The following PGM2L1 variants were observed in gnomAD, a reference collection of about 807,000 sequenced individuals.
PGM2L1 encodes phosphoglucomutase 2 like 1.
A neutral mutation model predicts 73.4 loss-of-function variants in PGM2L1; 35 were observed. The observed-to-expected ratio is 0.48, with a 90% CI of 0.36 to 0.63. The LOEUF (loss-of-function observed/expected upper bound fraction) is 0.63. Ranked by LOEUF, PGM2L1 falls within the 30% of genes least tolerant of loss-of-function variation. The probability of loss-of-function intolerance (pLI) is 0.00; values close to 1 mark genes in which losing one functional copy is unlikely to be tolerated. For missense variants in PGM2L1, 570 were observed against 742.0 expected (o/e 0.77, Z 2.69); for synonymous variants, 225 against 253.8 (o/e 0.89, Z 1.08).
In PGM2L1 at chr11:74,371,003, T is replaced by C. The variant is rs1862743400; in HGVS notation, c.387-17A>G. 3 of 1,603,652 alleles carry C rather than the reference T, an allele frequency of 1.9e-6. No individual in the cohort carries two copies. The South Asian group carries it at 3.3e-5, about 18-fold the overall frequency. ...TTAGCAAGCCTAAAAAAAGAGAGAT[T>C]TAACTTAGTCCTTTGCCTACCATAC... On this transcript the variant is annotated splice_polypyrimidine_tract_variant and intron_variant, in intron 3 of 13. Transcript: ENST00000298198.
intron 10 of PGM2L1, 64 bp from the exon 11 acceptor site, chr11:74,343,078 C>A: frequency 6.6e-7 from 1 of 1,509,158 alleles, no homozygotes; most frequent in East Asian, 2.3e-5. Context: ...AATAGTTTTA[C>A]ATTTCTTCAG....
At position 74,378,883 on chromosome 11, in the gene PGM2L1, A is replaced by G. The variant is rs1327660000; in HGVS notation, c.112-4301T>C. On this transcript the variant is annotated intron_variant, in intron 1 of 13. Coordinates refer to ENST00000298198, the MANE Select transcript of PGM2L1 (RefSeq NM_173582.6). ...CTGCCTGCTGACCAATGAAAGTATT[A>G]ACATTCACTTATGAAGGATCATTTT... 2.0e-5 allele frequency among the ~76,000 whole-genome samples: 3 copies of G among 152,350 alleles called. No homozygotes were observed. In the East Asian group the frequency reaches 5.8e-4, roughly 29 times the overall value.
chr11:74,357,553 C>T (rs1370398707), intron 5 of PGM2L1, among the ~76,000 whole-genome samples: 1 of 152,224 alleles, frequency 6.6e-6, no homozygotes, highest in African/African-American at 2.4e-5. Context: ...TGTGGAGCAA[C>T]AGGAGCTCTC....
Position 74,346,914 on chromosome 11 carries a change from G to A in PGM2L1, c.940-85C>T, listed in dbSNP as rs1591168791. 1.4e-5 allele frequency: 16 copies of A among 1,158,048 alleles called. No individual in the cohort carries two copies. In the South Asian group the frequency reaches 1.6e-4, roughly 12 times the overall value. The allele number at this position is 1,158,048 out of a possible 1,614,324, so 71.7% of individuals were successfully genotyped here. A position where few individuals can be genotyped will look rare whatever the true frequency, so the allele number is the denominator to read the frequency against. On this transcript the variant is annotated intron_variant, in intron 7 of 13. Transcript: ENST00000298198. ...TCCTGTATGTAGGCACAATGTTAGTGATAGGAATTTTAGAAGGCATAGAAT... is the reference window on the plus strand; with the variant it reads ...TCCTGTATGTAGGCACAATGTTAGTAATAGGAATTTTAGAAGGCATAGAAT...
rs377540251 is a variant in PGM2L1, at chr11:74,398,109, T to C, written c.53A>G (p.Tyr18Cys). The C allele has an allele frequency of 8.1e-6, 13 of 1,612,904 alleles. No individual in the cohort carries two copies. Among genetic ancestry groups the C allele is most frequent in the Non-Finnish European group, 1.1e-5 (13 of 1,179,344 alleles). The change falls in exon 1 of 14, where the codon TAC becomes TGC. Residue 18 changes from tyrosine (Y) to cysteine (C), a missense_variant. Transcript: ENST00000298198. The part of the protein sequence containing the change: ...DLNSNLLHAP[Y>C]HTGDPQLDTA... ...GTCCAGCTGAGGGTCCCCGGTGTGGTAGGGGGCGTGGAGCAGGTTGGAGTT... is the reference window on the plus strand; with the variant it reads ...GTCCAGCTGAGGGTCCCCGGTGTGGCAGGGGGCGTGGAGCAGGTTGGAGTT...
intron 13 of PGM2L1, 92 bp from the exon 14 acceptor site, chr11:74,336,846 A>T: frequency 2.5e-6 from 2 of 789,600 alleles, no homozygotes; most frequent in South Asian, 2.3e-5. Flanking sequence ...GTCCTGATGG[A>T]GTCATTAAAC....
chr11:74,371,114 T>A, intron 3 of PGM2L1, 128 bp from the exon 4 acceptor site: 1 of 527,708 alleles, frequency 1.9e-6, no homozygotes, highest in South Asian at 4.9e-5. Flanking sequence ...TTTCTTATAA[T>A]CACTGATTAT....
At chr11:74,353,431 A>C (rs1265875061) in intron 5 of PGM2L1, among the ~76,000 whole-genome samples, 1 of 151,864 alleles carries the variant, frequency 6.6e-6, no homozygotes, top group African/African-American at 2.4e-5. Flanking sequence ...GAAGGTCAGC[A>C]GATAAACATG....
rs60883108 is a variant in PGM2L1 at position 74,395,549 on chromosome 11, C to CTTTTTTTTTTTTTTT, written c.111+2487_111+2501dup. The stretch of plus-strand genomic sequence containing the variant: ...TACAGGCACGTGACACCTCGCCTGG[C>CTTTTTTTTTTTTTTT]TTTTTTTTTTTTTTTTTTTTTTTTT... On this transcript the variant is annotated intron_variant, in intron 1 of 13. Transcript: ENST00000298198. Among the ~76,000 whole-genome samples the CTTTTTTTTTTTTTTT allele has an allele frequency of 1.2e-3, 78 of 64,944 alleles. 7 individuals are homozygous for CTTTTTTTTTTTTTTT. Among genetic ancestry groups the CTTTTTTTTTTTTTTT allele is most frequent in the East Asian group, 3.4e-3 (5 of 1,474 alleles). 42.6% of individuals were successfully genotyped at this position (64,944 alleles called of 152,430 possible). A position where few individuals can be genotyped will look rare whatever the true frequency, so the allele number is the denominator to read the frequency against.
rs1455323768 is a variant in PGM2L1, at chr11:74,346,773, A to G, written c.996T>C (p.Asp332=). Residue 332 remains aspartate, a synonymous_variant, in exon 8 of 14, where the codon GAT becomes GAC. Coordinates refer to ENST00000298198, the MANE Select transcript of PGM2L1 (RefSeq NM_173582.6). ...KENARVVLAT[D]PDADRLAAAE... ...CTGCTGCCAGTCTGTCTGCATCAGG[A>G]TCTGTGGCTAGCACTACCCGGGCAT... 9 of 1,614,092 alleles carry G rather than the reference A, an allele frequency of 5.6e-6. No homozygotes were observed. In the African/African-American group the frequency reaches 1.1e-4, roughly 19 times the overall value.
chr11:74,390,118 CA>C (rs11310692), intron 1 of PGM2L1, among the ~76,000 whole-genome samples: 66,863 of 103,036 alleles, frequency 0.65, 19,679 homozygotes, highest in Middle Eastern at 0.74. Flanking sequence ...GACTCCGTCT[CA>C]AAAAAAAAAA....
At chr11:74,382,873 A>G (rs988141287) in intron 1 of PGM2L1, among the ~76,000 whole-genome samples, 1 of 152,204 alleles carries the variant, frequency 6.6e-6, no homozygotes, top group African/African-American at 2.4e-5. Flanking sequence ...CCACCTTTCA[A>G]TTGAGGAGTA....
chr11:74,396,601 A>G (rs914794405), intron 1 of PGM2L1, among the ~76,000 whole-genome samples: 1 of 152,046 alleles, frequency 6.6e-6, no homozygotes, highest in African/African-American at 2.4e-5. Context: ...TTTTTAGTAG[A>G]GACGGGGTTT....
rs369829875 is a variant in PGM2L1, at chr11:74,342,575, C to G, written c.1518G>C (p.Arg506Ser). 5 of 1,605,798 alleles carry G rather than the reference C, an allele frequency of 3.1e-6. No individual in the cohort carries two copies. The highest frequency in any genetic ancestry group is 2.2e-5 in the East Asian group (1 of 44,728). ...EPPTIKSIFE[R>S]LRNFDSPKEY... Reference sequence around the variant, plus strand: ...CTTTTGGAGAATCAAAATTACGAAGCCTTTCAAATATACTTTTGATGGTAG... The same window carrying G: ...CTTTTGGAGAATCAAAATTACGAAGGCTTTCAAATATACTTTTGATGGTAG... The change falls in exon 12 of 14, where the codon AGG becomes AGC. Residue 506 changes from arginine to serine, a missense_variant. Physicochemically the swap from Arg to Ser is moderately radical, Grantham distance 110 (BLOSUM62 -1). Transcript: ENST00000298198.
At chr11:74,392,750 C>G (rs976427822) in intron 1 of PGM2L1, among the ~76,000 whole-genome samples, 41 of 152,170 alleles carry the variant, frequency 2.7e-4, no homozygotes, top group African/African-American at 9.9e-4. Context: ...CCATGTTAGC[C>G]AGGATGGTCT....
Position 74,368,472 on chromosome 11 carries a change from G to A in PGM2L1, c.555+20C>T, listed in dbSNP as rs1862696397. ...AAGATGAACTATAAGATAAGCAAAG[G>A]TCAGGAGTCCAAGGTTTACCTTGTA... On this transcript the variant is annotated intron_variant, in intron 5 of 13. Coordinates refer to ENST00000298198, the MANE Select transcript of PGM2L1 (RefSeq NM_173582.6). 2 of 1,581,164 alleles carry A rather than the reference G, an allele frequency of 1.3e-6. No individual in the cohort carries two copies. Among genetic ancestry groups the A allele is most frequent in the East Asian group, 2.2e-5 (1 of 44,656 alleles).
intron 5 of PGM2L1, among the ~76,000 whole-genome samples, chr11:74,362,307 A>G (rs1862576556): frequency 6.6e-6 from 1 of 152,212 alleles, no homozygotes; most frequent in South Asian, 2.1e-4. Context: ...GAGCTTCATA[A>G]GTAAAGAATA....
chr11:74,351,979 A>T (rs7478713), intron 5 of PGM2L1, among the ~76,000 whole-genome samples: 109 of 136,924 alleles, frequency 8.0e-4, no homozygotes, highest in African/African-American at 2.7e-3. Flanking sequence ...AAAATAAATA[A>T]AAATAAAAAT....
chr11:74,357,549 G>A (rs1173468327), intron 5 of PGM2L1, among the ~76,000 whole-genome samples: 1 of 152,248 alleles, frequency 6.6e-6, no homozygotes, highest in Non-Finnish European at 1.5e-5. Context: ...AGGATGTGGA[G>A]CAACAGGAGC....
Sources: allele counts gnomAD v4.1 joint callset (sites outside exome capture counted in the v4.1 genomes callset), GRCh38; gene constraint gnomAD v4.1.1; transcripts MANE v1.5; gene names NCBI Gene and HGNC (gene_info 2026-07-23, HGNC 2026-07-21).